The following ABR variants were observed in gnomAD, a reference collection of about 807,000 sequenced individuals.
ABR encodes the protein ABR activator of RhoGEF and GTPase, also known as active breakpoint cluster region-related protein.
ABR carries 35 observed loss-of-function variants against 107.2 expected under a neutral mutation model. The ratio of observed to expected loss-of-function variants is 0.33; its 90% CI spans 0.25 to 0.43. The LOEUF (loss-of-function observed/expected upper bound fraction) is 0.43, where lower values mean the gene tolerates loss of function less well. ABR is among the 20% of genes least tolerant of loss of function. The pLI, the probability that ABR is intolerant of heterozygous loss-of-function variation, is 1.00. For missense variants in ABR, 815 were observed against 1,115.2 expected, an observed-to-expected ratio of 0.73 and a Z score of 3.83; for synonymous variants, 498 against 462.0, an observed-to-expected ratio of 1.08 and a Z score of -1.00.
At chr17:1,174,355 A>G (rs574683346) in intron 1 of ABR, among the ~76,000 whole-genome samples, 5 of 152,352 alleles carry the variant, frequency 3.3e-5, no homozygotes, top group Admixed American at 3.3e-4. Flanking sequence ...GCAGGCGCTC[A>G]CTAGCACACA....
At chr17:1,047,815 G>A (rs767375254) in intron 16 of ABR, among the ~76,000 whole-genome samples, 1 of 152,116 alleles carries the variant, frequency 6.6e-6, no homozygotes, top group Non-Finnish European at 1.5e-5. Flanking sequence ...GTTTCCCCCG[G>A]GGCTTGTGCA....
chr17:1,137,732 T>C (rs1481856726), intron 1 of ABR, among the ~76,000 whole-genome samples: 1 of 151,982 alleles, frequency 6.6e-6, no homozygotes, highest in Non-Finnish European at 1.5e-5. Flanking sequence ...TCTTTGAAGC[T>C]CAACTAAGCA....
intron 1 of ABR, among the ~76,000 whole-genome samples, chr17:1,211,158 A>G (rs537064573): frequency 1.1e-3 from 169 of 152,328 alleles, no homozygotes; most frequent in African/African-American, 3.8e-3. Context: ...AGACGCCCAT[A>G]GTCCCAGCTA....
chr17:1,074,474 G>T (rs2035540903), intron 6 of ABR, among the ~76,000 whole-genome samples: 1 of 152,218 alleles, frequency 6.6e-6, no homozygotes, highest in Non-Finnish European at 1.5e-5. Flanking sequence ...CCACATGCAG[G>T]ACCCCAGAAT....
At chr17:1,138,314 G>C (rs1217116507) in intron 1 of ABR, among the ~76,000 whole-genome samples, 1 of 152,116 alleles carries the variant, frequency 6.6e-6, no homozygotes, top group Non-Finnish European at 1.5e-5. Context: ...ACGGGGACAG[G>C]GAGTGTTGGC....
In ABR at chr17:1,027,231, C is replaced by T. The variant is rs550137049; in HGVS notation, c.1792-14067G>A. On this transcript the variant is annotated intron_variant, in intron 16 of 22. Transcript: ENST00000302538. This position sits in a 1 kb window ranked among gnomAD's most constrained non-coding sequence, Gnocchi z 4.7. ...GAGCCATCCAAAAGCTGGGGCACCGCGCCCAGCACCGCTGGCTGGCCAAGC... is the reference window on the plus strand; with the variant it reads ...GAGCCATCCAAAAGCTGGGGCACCGTGCCCAGCACCGCTGGCTGGCCAAGC... 7.9e-5 allele frequency among the ~76,000 whole-genome samples: 12 copies of T among 152,326 alleles called. No individual in the cohort carries two copies. In the East Asian group the frequency reaches 1.4e-3, roughly 17 times the overall value.
chr17:1,180,520 C>A (rs905062126), upstream of ABR, among the ~76,000 whole-genome samples: 6 of 152,208 alleles, frequency 3.9e-5, no homozygotes, highest in African/African-American at 1.4e-4. Context: ...GGGTGGAGAC[C>A]CGGGAGGACC....
chr17:1,138,905 T>TA (rs2151490678), intron 1 of ABR, among the ~76,000 whole-genome samples: 1 of 152,380 alleles, frequency 6.6e-6, no homozygotes, highest in African/African-American at 2.4e-5. Flanking sequence ...GATTTGCATT[T>TA]AAAAAGCTTA....
intron 16 of ABR, among the ~76,000 whole-genome samples, chr17:1,046,469 C>A (rs1352455395): frequency 1.3e-5 from 2 of 152,226 alleles, no homozygotes; most frequent in Non-Finnish European, 2.9e-5. Flanking sequence ...AGGGGTTTTG[C>A]CATGTTGGCC....
At chr17:1,095,187 G>A (rs933780592) in intron 3 of ABR, among the ~76,000 whole-genome samples, 14 of 152,192 alleles carry the variant, frequency 9.2e-5, no homozygotes, top group Non-Finnish European at 1.9e-4. Flanking sequence ...GGATTTCTCA[G>A]AAGCCGCGAC....
At chr17:1,102,032 C>T (rs1448882740) in intron 2 of ABR, among the ~76,000 whole-genome samples, 3 of 152,078 alleles carry the variant, frequency 2.0e-5, no homozygotes, top group South Asian at 2.1e-4. Context: ...CGCACCCTGC[C>T]GGAAAGACAT....
At chr17:1,087,869 G>A (rs933465209) in intron 4 of ABR, among the ~76,000 whole-genome samples, 8 of 152,160 alleles carry the variant, frequency 5.3e-5, no homozygotes, top group East Asian at 1.9e-4. Flanking sequence ...AGGGACTGCC[G>A]CTGCCACAGT....
At chr17:1,066,066 A>G (rs1467572133) in intron 10 of ABR, among the ~76,000 whole-genome samples, 1 of 151,964 alleles carries the variant, frequency 6.6e-6, no homozygotes, top group Non-Finnish European at 1.5e-5. Context: ...TTTAGTAGAG[A>G]TGGATTTTTA....
At chr17:1,166,833 C>G (rs558570933) in intron 1 of ABR, among the ~76,000 whole-genome samples, 2 of 152,150 alleles carry the variant, frequency 1.3e-5, no homozygotes, top group South Asian at 4.1e-4. Context: ...AACCCTGTCT[C>G]TACTAAAAAT....
At chr17:1,095,939 C>A (rs541101941) in intron 3 of ABR, among the ~76,000 whole-genome samples, 1 of 152,194 alleles carries the variant, frequency 6.6e-6, no homozygotes, top group African/African-American at 2.4e-5. Context: ...TGCGATGCAG[C>A]GTGGCCAGGA....
At chr17:1,171,796 T>A (rs950827890) in intron 1 of ABR, among the ~76,000 whole-genome samples, 1 of 152,134 alleles carries the variant, frequency 6.6e-6, no homozygotes, top group African/African-American at 2.4e-5. Context: ...CCGGGCGTGG[T>A]GGCAGCACCT....
rs1397112166 is a variant in ABR, at chr17:1,064,234, C to T, written c.1182+2843G>A. Among the ~76,000 whole-genome samples the T allele has an allele frequency of 2.2e-4, 17 of 78,136 alleles. 2 individuals are homozygous for T. Among genetic ancestry groups the T allele is most frequent in the Admixed American group, 2.9e-4 (2 of 6,992 alleles). The allele number at this position is 78,136 out of a possible 152,430, so 51.3% of individuals were successfully genotyped here. A position where few individuals can be genotyped will look rare whatever the true frequency, so the allele number is the denominator to read the frequency against. On this transcript the variant is annotated intron_variant, in intron 10 of 22. Transcript: ENST00000302538. ...TGAGGGCTATGCATGTTCCTCTAGACGCTGCTGTTATGTAAACTGAGGGCT... is the reference window on the plus strand; with the variant it reads ...TGAGGGCTATGCATGTTCCTCTAGATGCTGCTGTTATGTAAACTGAGGGCT...
At position 1,030,692 on chromosome 17, in the gene ABR, G is replaced by A. The variant is rs114618116; in HGVS notation, c.1792-17528C>T. ...GGCTGATGCCAGGAGCCTCAATGCC[G>A]GCTGGCAGTAAGAGCCTGCAGAGAG... is the stretch of plus-strand genomic sequence containing the variant. On this transcript the variant is annotated intron_variant, in intron 16 of 22. Coordinates refer to ENST00000302538, the MANE Select transcript of ABR (RefSeq NM_021962.5). 1.8e-3 allele frequency among the ~76,000 whole-genome samples: 277 copies of A among 152,338 alleles called. 2 individuals carry two copies. Among genetic ancestry groups the A allele is most frequent in the African/African-American group, 6.3e-3 (262 of 41,570 alleles).
chr17:1,074,263 C>T (rs1469030447), intron 6 of ABR, among the ~76,000 whole-genome samples: 1 of 151,140 alleles, frequency 6.6e-6, no homozygotes, highest in Non-Finnish European at 1.5e-5. Context: ...TCCAGCACAC[C>T]TGCCACACGC....
Sources: gnomAD v4.1 joint callset for allele counts (sites outside exome capture counted in the v4.1 genomes callset) on GRCh38, gnomAD v4.1.1 for gene constraint, Gnocchi (gnomAD v3.1) non-coding constraint, MANE v1.5 for transcripts, NCBI Gene and HGNC (gene_info 2026-07-23, HGNC 2026-07-21) for gene names.